ANKS1B: variants seen among roughly 807,000 people sequenced by gnomAD.
The protein encoded by ANKS1B is ankyrin repeat and sterile alpha motif domain containing 1B.
In ANKS1B, 36 loss-of-function variants were observed where a neutral mutation model predicts 148.3. The ratio of observed to expected loss-of-function variants is 0.24; its 90% CI spans 0.19 to 0.32. ANKS1B has a LOEUF of 0.32. Among genes scored for constraint, ANKS1B ranks in the 10% least tolerant of loss-of-function variants. The pLI is 1.00. For missense variants in ANKS1B, 1,157 were observed against 1,542.6 expected, an observed-to-expected ratio of 0.75 and a Z score of 4.19; for synonymous variants, 542 against 560.8, an observed-to-expected ratio of 0.97 and a Z score of 0.47.
At chr12:99,612,542 C>A (rs1302053478) in intron 9 of ANKS1B, among the ~76,000 whole-genome samples, 1 of 152,118 alleles carries the variant, frequency 6.6e-6, no homozygotes, top group African/African-American at 2.4e-5. Flanking sequence ...TCCTCAAAGT[C>A]CAGCTCCAAA....
At chr12:99,446,274 C>CA (rs562163012) in intron 10 of ANKS1B, among the ~76,000 whole-genome samples, 124 of 151,656 alleles carry the variant, frequency 8.2e-4, no homozygotes, top group Non-Finnish European at 1.4e-3. Flanking sequence ...ATTTCATATA[C>CA]AAAAAAACTG....
At chr12:98,953,787 C>T (rs896320715) in intron 17 of ANKS1B, among the ~76,000 whole-genome samples, 1 of 151,988 alleles carries the variant, frequency 6.6e-6, no homozygotes, top group Admixed American at 6.6e-5. Flanking sequence ...CTAATACTTG[C>T]CTCTGGTAAT....
intron 14 of ANKS1B, among the ~76,000 whole-genome samples, chr12:99,239,942 G>A (rs957748511): frequency 1.1e-4 from 17 of 152,158 alleles, no homozygotes; most frequent in South Asian, 2.1e-4. Flanking sequence ...AGGAACAACC[G>A]GTACCAGCCA....
At chr12:99,471,128 A>G (rs1349021076) in intron 10 of ANKS1B, among the ~76,000 whole-genome samples, 2 of 152,112 alleles carry the variant, frequency 1.3e-5, no homozygotes, top group Non-Finnish European at 2.9e-5. Context: ...GTATAATTTA[A>G]TCCTAAAGCA....
intron 17 of ANKS1B, among the ~76,000 whole-genome samples, chr12:98,940,578 T>G (rs1350405376): frequency 6.6e-6 from 1 of 152,180 alleles, no homozygotes; most frequent in African/African-American, 2.4e-5. Context: ...TTACCATGAA[T>G]TACTTGTGTA....
intron 17 of ANKS1B, among the ~76,000 whole-genome samples, chr12:99,008,973 A>T (rs1397886593): frequency 6.6e-6 from 1 of 152,178 alleles, no homozygotes; most frequent in Non-Finnish European, 1.5e-5. Flanking sequence ...TGGACCCCAA[A>T]GGATTACACA....
At chr12:99,616,372 G>T (rs1019246189) in intron 9 of ANKS1B, among the ~76,000 whole-genome samples, 2 of 151,998 alleles carry the variant, frequency 1.3e-5, no homozygotes, top group East Asian at 3.9e-4. Flanking sequence ...GAGGCATCAC[G>T]CTACCTGACT....
intron 1 of ANKS1B, among the ~76,000 whole-genome samples, chr12:99,923,875 G>A (rs2094424621): frequency 6.6e-6 from 1 of 152,106 alleles, no homozygotes; most frequent in African/African-American, 2.4e-5. Flanking sequence ...ACTAGGGTGA[G>A]GAGAGTGAGG....
At chr12:98,840,794 C>T (rs969112308) in intron 17 of ANKS1B, among the ~76,000 whole-genome samples, 1 of 152,194 alleles carries the variant, frequency 6.6e-6, no homozygotes, top group Non-Finnish European at 1.5e-5. Context: ...CAGTTCCCAA[C>T]TAATTTCCCT....
intron 1 of ANKS1B, among the ~76,000 whole-genome samples, chr12:99,859,986 C>T (rs1288645802): frequency 6.6e-6 from 1 of 152,056 alleles, no homozygotes; most frequent in Non-Finnish European, 1.5e-5. Flanking sequence ...TCAGGAATTC[C>T]CAGAAATTCT....
chr12:99,441,037 C>G (rs192088471), intron 11 of ANKS1B, among the ~76,000 whole-genome samples: 1 of 151,728 alleles, frequency 6.6e-6, no homozygotes, highest in Non-Finnish European at 1.5e-5. Context: ...AAGTTCAACA[C>G]AAGTTTTAAA....
chr12:99,484,646 T>C (rs149275173), intron 10 of ANKS1B, among the ~76,000 whole-genome samples: 312 of 151,936 alleles, frequency 2.1e-3, no homozygotes, highest in Middle Eastern at 6.8e-3. Flanking sequence ...CTAGTAGTAA[T>C]GTTTCATAAA....
intron 11 of ANKS1B, among the ~76,000 whole-genome samples, chr12:99,408,500 G>C (rs2094584433): frequency 6.9e-6 from 1 of 145,682 alleles, no homozygotes; most frequent in Non-Finnish European, 1.5e-5. Flanking sequence ...GGACAAGTGA[G>C]ATTATATCAA....
chr12:99,219,542 T>G (rs2084760157), intron 14 of ANKS1B, among the ~76,000 whole-genome samples: 1 of 152,094 alleles, frequency 6.6e-6, no homozygotes, highest in Non-Finnish European at 1.5e-5. Context: ...ATAGAGAAGT[T>G]AAATATTCCT....
intron 17 of ANKS1B, among the ~76,000 whole-genome samples, chr12:98,962,938 G>A (rs530173694): frequency 6.6e-6 from 1 of 152,284 alleles, no homozygotes; most frequent in South Asian, 2.1e-4. Flanking sequence ...ACGGGATACA[G>A]CGAAGCCAGT....
intron 11 of ANKS1B, among the ~76,000 whole-genome samples, chr12:99,442,980 T>A (rs536715651): frequency 6.6e-6 from 1 of 151,982 alleles, no homozygotes; most frequent in South Asian, 2.1e-4. Context: ...AAAAATATAA[T>A]GCAAACAGCT....
chr12:99,953,915 G>C (rs1379844643), intron 1 of ANKS1B, among the ~76,000 whole-genome samples: 4 of 152,140 alleles, frequency 2.6e-5, no homozygotes, highest in East Asian at 1.9e-4. Flanking sequence ...GAAATTTATA[G>C]AGAGTGAAAA....
intron 23 of ANKS1B, chr12:98,781,621 T>A: frequency 2.8e-6 from 1 of 363,010 alleles, no homozygotes; most frequent in Non-Finnish European, 5.4e-6. Flanking sequence ...TAACAAAATA[T>A]ATGCACCCCC....
At chr12:99,264,716 G>C (rs1438232115) in intron 12 of ANKS1B, among the ~76,000 whole-genome samples, 1 of 152,120 alleles carries the variant, frequency 6.6e-6, no homozygotes, top group African/African-American at 2.4e-5. Flanking sequence ...CTGTTGCAAA[G>C]GGTGGTCTTA....
Sources: allele counts gnomAD v4.1 joint callset (sites outside exome capture counted in the v4.1 genomes callset), GRCh38; gene constraint gnomAD v4.1.1; transcripts MANE v1.5; gene names NCBI Gene and HGNC (gene_info 2026-07-23, HGNC 2026-07-21).